The following GRID1 variants were observed in gnomAD, a reference collection of about 807,000 sequenced individuals.
GRID1 encodes the protein glutamate receptor ionotropic, delta-1.
In GRID1, 28 loss-of-function variants were observed where a neutral mutation model predicts 98.0. The observed-to-expected ratio is 0.29, with a 90% CI of 0.21 to 0.39. The LOEUF (loss-of-function observed/expected upper bound fraction) is 0.39. Ranked by LOEUF, GRID1 falls within the 10% of genes least tolerant of loss-of-function variation. The pLI is 1.00. For synonymous variants in GRID1, 553 were observed against 538.5 expected, an observed-to-expected ratio of 1.03 and a Z score of -0.37; for missense variants, 1,111 against 1,340.5, an observed-to-expected ratio of 0.83 and a Z score of 2.67.
chr10:86,013,020 T>C (rs1040750952), intron 4 of GRID1, among the ~76,000 whole-genome samples: 5 of 152,200 alleles, frequency 3.3e-5, no homozygotes, highest in Non-Finnish European at 7.3e-5. Flanking sequence ...TCCTAATTCC[T>C]GGACATCTGG....
intron 4 of GRID1, among the ~76,000 whole-genome samples, chr10:85,958,085 G>A (rs771550103): frequency 2.0e-5 from 3 of 152,236 alleles, no homozygotes; most frequent in African/African-American, 7.2e-5. Flanking sequence ...CAGGCCCAGG[G>A]CCAATAACCT....
intron 5 of GRID1, among the ~76,000 whole-genome samples, chr10:85,912,146 C>T (rs1589296230): frequency 6.6e-6 from 1 of 152,242 alleles, no homozygotes; most frequent in East Asian, 1.9e-4. Context: ...CTGAATCTGG[C>T]CATGCCCTCA....
At chr10:85,696,092 G>A (rs910945336) in intron 12 of GRID1, among the ~76,000 whole-genome samples, 1 of 152,076 alleles carries the variant, frequency 6.6e-6, no homozygotes, top group African/African-American at 2.4e-5. Flanking sequence ...TAGTAATTAA[G>A]TAATCCAATT....
intron 8 of GRID1, among the ~76,000 whole-genome samples, chr10:85,817,548 A>C (rs74833377): frequency 6.6e-6 from 1 of 151,900 alleles, no homozygotes; most frequent in Non-Finnish European, 1.5e-5. Context: ...ATTAAAAAAA[A>C]TTATAGCCAG....
chr10:85,763,824 C>T (rs751630497), intron 8 of GRID1, among the ~76,000 whole-genome samples: 26 of 152,216 alleles, frequency 1.7e-4, no homozygotes, highest in African/African-American at 5.3e-4. Context: ...CTCTTCTACT[C>T]GCACATAAAC....
At chr10:86,219,083 C>T in intron 2 of GRID1, among the ~76,000 whole-genome samples, 1 of 152,246 alleles carries the variant, frequency 6.6e-6, no homozygotes, top group East Asian at 1.9e-4. Flanking sequence ...CCACACCCAC[C>T]TCACTCCCTC....
In GRID1 at chr10:85,601,286, C is replaced by T. The variant is rs531198618; in HGVS notation, c.*987G>A. On this transcript the variant is annotated 3_prime_UTR_variant, in exon 16 of 16. Coordinates refer to ENST00000327946, the MANE Select transcript of GRID1 (RefSeq NM_017551.3). ...CTATGGCCTCACTTCCTTCTCTCAC[C>T]TGGGACCATGGGTCCAAACCCAAGG... 1 of 152,622 alleles carries T rather than the reference C, an allele frequency of 6.6e-6. No individual in the cohort carries two copies. Among genetic ancestry groups the T allele is most frequent in the East Asian group, 1.9e-4 (1 of 5,144 alleles). The allele number at this position is 152,622 out of a possible 1,614,324, so 9.5% of individuals were successfully genotyped here.
At chr10:85,689,475 A>G (rs969619911) in intron 12 of GRID1, among the ~76,000 whole-genome samples, 2 of 152,056 alleles carry the variant, frequency 1.3e-5, no homozygotes, top group South Asian at 2.1e-4. Context: ...TAAAAGGTCT[A>G]TAGTTATAGA....
intron 5 of GRID1, among the ~76,000 whole-genome samples, chr10:85,889,695 C>T (rs1021193703): frequency 6.6e-6 from 1 of 152,028 alleles, no homozygotes; most frequent in African/African-American, 2.4e-5. Flanking sequence ...TGGATAGATA[C>T]CCAGAAGTGG....
intron 4 of GRID1, among the ~76,000 whole-genome samples, chr10:86,131,207 G>C (rs914708504): frequency 2.6e-5 from 4 of 151,938 alleles, no homozygotes; most frequent in African/African-American, 9.7e-5. Flanking sequence ...TCTTCTTACA[G>C]CTTCCCCGCT....
chr10:85,761,840 A>C (rs1373618293), intron 8 of GRID1, among the ~76,000 whole-genome samples: 1 of 152,010 alleles, frequency 6.6e-6, no homozygotes, highest in Admixed American at 6.6e-5. Flanking sequence ...CACACTTTCA[A>C]AGTCTCATTT....
rs115335476 is a variant in GRID1 at position 85,633,240 on chromosome 10, A to G, written c.2194-13207T>C. Among the ~76,000 whole-genome samples, 707 of 152,196 alleles carry G rather than the reference A, an allele frequency of 4.6e-3. 9 individuals are homozygous for G. Among genetic ancestry groups the G allele is most frequent in the African/African-American group, 0.016 (675 of 41,536 alleles). On this transcript the variant is annotated intron_variant, in intron 13 of 15. Coordinates refer to ENST00000327946, the MANE Select transcript of GRID1 (RefSeq NM_017551.3). Reference sequence around the variant, plus strand: ...CCACCATGGCTGGCTCTTTCACATCACTTCTAATCTTTACAATAACTCTGA... The same window carrying G: ...CCACCATGGCTGGCTCTTTCACATCGCTTCTAATCTTTACAATAACTCTGA...
chr10:85,766,314 C>T (rs1452689179), intron 8 of GRID1, among the ~76,000 whole-genome samples: 1 of 152,106 alleles, frequency 6.6e-6, no homozygotes, highest in Non-Finnish European at 1.5e-5. Context: ...GGTGAAACCC[C>T]ATTTCTATAG....
At chr10:85,866,544 C>T (rs1280882816) in intron 6 of GRID1, among the ~76,000 whole-genome samples, 1 of 151,870 alleles carries the variant, frequency 6.6e-6, no homozygotes, top group Admixed American at 6.6e-5. Flanking sequence ...CCAATGGGCA[C>T]TTTTTTTAGT....
At chr10:85,975,502 T>C (rs963589622) in intron 4 of GRID1, among the ~76,000 whole-genome samples, 4 of 152,140 alleles carry the variant, frequency 2.6e-5, no homozygotes, top group Non-Finnish European at 5.9e-5. Flanking sequence ...CAAAATAAAA[T>C]AAAAAAGCTA....
intron 12 of GRID1, among the ~76,000 whole-genome samples, chr10:85,664,662 C>A (rs1841000442): frequency 6.6e-6 from 1 of 152,114 alleles, no homozygotes; most frequent in Non-Finnish European, 1.5e-5. Flanking sequence ...GCAGTGGCAG[C>A]AATATTAGAA....
At chr10:85,623,432 C>T (rs1446260814) in intron 13 of GRID1, among the ~76,000 whole-genome samples, 3 of 152,212 alleles carry the variant, frequency 2.0e-5, no homozygotes, top group Non-Finnish European at 4.4e-5. Flanking sequence ...GCTTTGCTTC[C>T]TCCTTGTAGG....
rs1848657109 is a variant in GRID1, at chr10:86,365,108, C to T, written c.80-1012G>A. Among the ~76,000 whole-genome samples, 1 of 152,114 alleles carries T rather than the reference C, an allele frequency of 6.6e-6. No individual in the cohort carries two copies. ...GGAGGGAGGCCCGGATTCCTCACTA[C>T]ACCCGGAGCCGGCGCCGCAATGCTG... On this transcript the variant is annotated intron_variant, in intron 1 of 15. Coordinates refer to ENST00000327946, the MANE Select transcript of GRID1 (RefSeq NM_017551.3). This position sits in a 1 kb window ranked among gnomAD's most constrained non-coding sequence, Gnocchi z 4.8.
intron 2 of GRID1, among the ~76,000 whole-genome samples, chr10:86,223,430 AT>A (rs1198324743): frequency 6.6e-6 from 1 of 152,210 alleles, no homozygotes; most frequent in Admixed American, 6.5e-5. Flanking sequence ...CCTGGCACGC[AT>A]GCAGGCACAC....
Sources: gnomAD v4.1 joint callset for allele counts (sites outside exome capture counted in the v4.1 genomes callset) on GRCh38, gnomAD v4.1.1 for gene constraint, Gnocchi (gnomAD v3.1) non-coding constraint, MANE v1.5 for transcripts, NCBI Gene and HGNC (gene_info 2026-07-23, HGNC 2026-07-21) for gene names.